DIPK2A: variants seen among roughly 807,000 people sequenced by gnomAD.
DIPK2A encodes the protein divergent protein kinase domain 2A, also known as Golgi Protein of 49 kDa.
DIPK2A carries 27 observed loss-of-function variants against 39.0 expected under a neutral mutation model. The ratio of observed to expected loss-of-function variants is 0.69; its 90% CI spans 0.51 to 0.96. The LOEUF (loss-of-function observed/expected upper bound fraction) is 0.96, where lower values mean the gene tolerates loss of function less well. Ranked by LOEUF, DIPK2A falls within the 40% of genes least tolerant of loss-of-function variation. The pLI is 0.00. For missense variants in DIPK2A, 528 were observed against 571.3 expected (o/e 0.92, Z 0.77); for synonymous variants, 298 against 240.8 (o/e 1.24, Z -2.20).
intron 1 of DIPK2A, among the ~76,000 whole-genome samples, chr3:143,983,810 A>G (rs2087860619): frequency 6.6e-6 from 1 of 152,136 alleles, no homozygotes; most frequent in African/African-American, 2.4e-5. Flanking sequence ...ACCACTAGCA[A>G]TACAAACTGT....
At chr3:143,974,271 T>C (rs946222334) in intron 1 of DIPK2A, among the ~76,000 whole-genome samples, 1 of 152,178 alleles carries the variant, frequency 6.6e-6, no homozygotes, top group Admixed American at 6.5e-5. Flanking sequence ...GTAACACAAA[T>C]ATTTGGCTTC....
chr3:143,980,189 T>C (rs2087807179), intron 1 of DIPK2A, among the ~76,000 whole-genome samples: 1 of 152,228 alleles, frequency 6.6e-6, no homozygotes, highest in Non-Finnish European at 1.5e-5. Flanking sequence ...CATGCGTTAC[T>C]ACAATGGGAT....
rs537494349 is a variant in DIPK2A, at chr3:143,983,431, A to C, written c.658-2112A>C. 9.8e-5 allele frequency among the ~76,000 whole-genome samples: 15 copies of C among 152,320 alleles called. No homozygotes were observed. The South Asian group carries it at 2.9e-3, about 29-fold the overall frequency. ...CTCAAAATTGCACAACTACATGGAA[A>C]CTGAACAGCCTGCTCCAGAATGACT... is the stretch of plus-strand genomic sequence containing the variant. On this transcript the variant is annotated intron_variant, in intron 1 of 2. Transcript: ENST00000315691.
chr3:143,976,395 A>G (rs2087729097), intron 1 of DIPK2A, among the ~76,000 whole-genome samples: 1 of 151,956 alleles, frequency 6.6e-6, no homozygotes, highest in African/African-American at 2.4e-5. Flanking sequence ...AACTATGTTG[A>G]CTTTTATATT....
At chr3:143,988,408 T>C (rs2087935671) in intron 2 of DIPK2A, among the ~76,000 whole-genome samples, 1 of 152,138 alleles carries the variant, frequency 6.6e-6, no homozygotes, top group Admixed American at 6.5e-5. Context: ...CCTGTGTATA[T>C]ATGTGTTTTT....
At position 143,972,532 on chromosome 3, in the gene DIPK2A, T is replaced by G; in HGVS notation, c.200T>G (p.Phe67Cys). 6.2e-7 allele frequency: 1 copy of G among 1,612,056 alleles called. No homozygotes were observed. The highest frequency in any genetic ancestry group is 8.5e-7 in the Non-Finnish European group (1 of 1,179,544). The change falls in exon 1 of 3, where the codon TTC becomes TGC. Residue 67 changes from phenylalanine (F) to cysteine (C), a missense_variant. Physicochemically the swap from Phe to Cys is radical, Grantham distance 205. Around this residue, in one of 2 missense-constraint regions of DIPK2A, gnomAD observed 309 missense variants for 289.8 expected, o/e 1.07. Coordinates refer to ENST00000315691, the MANE Select transcript of DIPK2A (RefSeq NM_173552.5). ...TTCGGCACGAGCTGGTGCCGCCGCTTCCTCAACGGGCAGGTGGTATTCGAG... is the reference window on the plus strand; with the variant it reads ...TTCGGCACGAGCTGGTGCCGCCGCTGCCTCAACGGGCAGGTGGTATTCGAG... Reference protein sequence around the residue: ...ACFGTSWCRRFLNGQVVFEAW... With the variant: ...ACFGTSWCRRCLNGQVVFEAW...
chr3:143,988,546 T>C (rs900394565), intron 2 of DIPK2A, among the ~76,000 whole-genome samples: 15 of 152,142 alleles, frequency 9.9e-5, no homozygotes, highest in African/African-American at 3.6e-4. Context: ...AAAATGTCTC[T>C]TCCTTCTTCC....
In DIPK2A at chr3:143,972,791, G is replaced by A; in HGVS notation, c.459G>A (p.Val153=). The stretch of plus-strand genomic sequence containing the variant: ...AGTTCGCGCGCCTCAACGGCGACGT[G>A]CGTCTGCTCACGCCCGAGGCGGTGG... ...RTEFARLNGD[V]RLLTPEAVEG... Residue 153 remains valine (V), a synonymous_variant, in exon 1 of 3, where the codon GTG becomes GTA. Coordinates refer to ENST00000315691, the MANE Select transcript of DIPK2A (RefSeq NM_173552.5). The A allele has an allele frequency of 6.4e-7, 1 of 1,568,318 alleles. No individual in the cohort carries two copies. Among genetic ancestry groups the A allele is most frequent in the East Asian group, 2.3e-5 (1 of 42,962 alleles).
chr3:143,973,257 T>G, intron 1 of DIPK2A: 1 of 1,241,700 alleles, frequency 8.1e-7, no homozygotes, highest in Non-Finnish European at 1.1e-6. Flanking sequence ...CCAGAGGGAG[T>G]GCGTCTCTTA....
intron 2 of DIPK2A, among the ~76,000 whole-genome samples, chr3:143,988,650 A>G (rs368170049): frequency 7.2e-5 from 11 of 152,296 alleles, no homozygotes; most frequent in African/African-American, 2.6e-4. Context: ...CTCTTACCTC[A>G]AAATCATAAG....
chr3:143,991,596 T>C lies in DIPK2A; in HGVS notation c.*1755T>C, dbSNP rs748043118. On this transcript the variant is annotated 3_prime_UTR_variant, in exon 3 of 3. Transcript: ENST00000315691. Reference sequence around the variant, plus strand: ...AGGAAAAGGTAAGAGCTCTCCATTATAAAATAGTTGCATTCGGTTAATTTT... The same window carrying C: ...AGGAAAAGGTAAGAGCTCTCCATTACAAAATAGTTGCATTCGGTTAATTTT... 8.5e-5 allele frequency: 13 copies of C among 152,646 alleles called. No individual in the cohort carries two copies. Among genetic ancestry groups the C allele is most frequent in the Non-Finnish European group, 1.9e-4 (13 of 68,008 alleles). 9.5% of individuals were successfully genotyped at this position (152,646 alleles called of 1,614,324 possible). A position where few individuals can be genotyped will look rare whatever the true frequency, so the allele number is the denominator to read the frequency against.
intron 1 of DIPK2A, among the ~76,000 whole-genome samples, chr3:143,979,331 G>A (rs548367651): frequency 6.6e-6 from 1 of 152,152 alleles, no homozygotes; most frequent in African/African-American, 2.4e-5. Context: ...GAAGTAAAAG[G>A]CAAATAGTTT....
intron 1 of DIPK2A, among the ~76,000 whole-genome samples, chr3:143,981,477 G>A (rs919186740): frequency 3.3e-5 from 5 of 152,058 alleles, no homozygotes; most frequent in African/African-American, 1.2e-4. Context: ...TGCCTGAACT[G>A]CCCCATCTCC....
intron 1 of DIPK2A, among the ~76,000 whole-genome samples, chr3:143,975,850 T>C (rs2087721215): frequency 6.6e-6 from 1 of 152,030 alleles, no homozygotes; most frequent in African/African-American, 2.4e-5. Context: ...GAAAAAAAAG[T>C]CTTTGAACTG....
chr3:143,976,705 G>C (rs1306375569), intron 1 of DIPK2A, among the ~76,000 whole-genome samples: 1 of 151,884 alleles, frequency 6.6e-6, no homozygotes, highest in Non-Finnish European at 1.5e-5. Flanking sequence ...GGACGAGCTG[G>C]GAATGTTACT....
At chr3:143,974,739 A>G (rs2087706185) in intron 1 of DIPK2A, among the ~76,000 whole-genome samples, 1 of 152,098 alleles carries the variant, frequency 6.6e-6, no homozygotes, top group Admixed American at 6.5e-5. Flanking sequence ...GTGATGTATT[A>G]GTAACAACTA....
intron 1 of DIPK2A, among the ~76,000 whole-genome samples, chr3:143,979,170 C>T (rs1240541575): frequency 6.6e-6 from 1 of 152,066 alleles, no homozygotes; most frequent in Non-Finnish European, 1.5e-5. Flanking sequence ...ATTCAAATGT[C>T]ACTGTCCTTA....
chr3:143,985,919 A>G (rs916225400), intron 2 of DIPK2A, 73 bp downstream of exon 2: 17 of 1,279,690 alleles, frequency 1.3e-5, no homozygotes, highest in South Asian at 7.5e-5. Flanking sequence ...CTTGTATGAA[A>G]TGAGCCTTGA....
Position 143,989,843 on chromosome 3 carries a change from C to T in DIPK2A, c.*2C>T, listed in dbSNP as rs2087955321. The T allele has an allele frequency of 1.9e-6, 3 of 1,598,350 alleles. No individual in the cohort carries two copies. The highest frequency in any genetic ancestry group is 4.5e-5 in the East Asian group (2 of 44,540). The stretch of plus-strand genomic sequence containing the variant: ...CAATTAAGTAACAACGTGAGGTAGT[C>T]TATGGTGAACTTTTCTTTTTTTCTC... On this transcript the variant is annotated 3_prime_UTR_variant, in exon 3 of 3. Transcript: ENST00000315691.
Sources: gnomAD v4.1 joint callset for allele counts (sites outside exome capture counted in the v4.1 genomes callset) on GRCh38, gnomAD v4.1.1 for gene constraint, gnomAD v4.1.1 regional missense constraint, MANE v1.5 for transcripts, NCBI Gene and HGNC (gene_info 2026-07-23, HGNC 2026-07-21) for gene names.